Variants in EXOC4 observed in about 807,000 individuals in gnomAD.
EXOC4 encodes the protein exocyst complex component 4, also known as SEC8-like 1.
A neutral mutation model predicts 107.2 loss-of-function variants in EXOC4; 71 were observed. That is an observed-to-expected ratio of 0.66 (90% CI 0.55 to 0.81). EXOC4 has a LOEUF of 0.81. Among genes scored for constraint, EXOC4 ranks in the 30% least tolerant of loss-of-function variants. The pLI, the probability that EXOC4 is intolerant of heterozygous loss-of-function variation, is 0.00. For missense variants in EXOC4, 1,108 were observed against 1,189.6 expected, an observed-to-expected ratio of 0.93 and a Z score of 1.01; for synonymous variants, 456 against 441.2, an observed-to-expected ratio of 1.03 and a Z score of -0.42.
intron 7 of EXOC4, among the ~76,000 whole-genome samples, chr7:133,396,909 C>G (rs541176369): frequency 7.9e-5 from 12 of 152,272 alleles, no homozygotes; most frequent in African/African-American, 2.9e-4. Context: ...AACCAAGATG[C>G]TGAAGTTTGC....
At chr7:133,652,121 G>A (rs1803171774) in intron 10 of EXOC4, among the ~76,000 whole-genome samples, 1 of 152,072 alleles carries the variant, frequency 6.6e-6, no homozygotes, top group African/African-American at 2.4e-5. Context: ...CTTTCTCCCC[G>A]TGACACTGAC....
intron 9 of EXOC4, among the ~76,000 whole-genome samples, chr7:133,622,485 G>A (rs1464905557): frequency 6.6e-6 from 1 of 152,130 alleles, no homozygotes; most frequent in Admixed American, 6.6e-5. Context: ...CTACTAGTCA[G>A]GAGAGACAGG....
chr7:133,801,801 CT>C (rs1796950834), intron 10 of EXOC4, among the ~76,000 whole-genome samples: 1 of 152,184 alleles, frequency 6.6e-6, no homozygotes, highest in Non-Finnish European at 1.5e-5. Flanking sequence ...TGATCATGTC[CT>C]ACCCATTCTG....
At chr7:133,287,690 A>C (rs1307451068) in intron 2 of EXOC4, among the ~76,000 whole-genome samples, 2 of 152,178 alleles carry the variant, frequency 1.3e-5, no homozygotes, top group Non-Finnish European at 2.9e-5. Context: ...TCATAGAAGC[A>C]TGATTTAGGT....
the EXOC4 span, among the ~76,000 whole-genome samples, chr7:134,088,082 C>G: frequency 6.6e-6 from 1 of 152,130 alleles, no homozygotes; most frequent in Non-Finnish European, 1.5e-5. Context: ...TCTCCTAGGC[C>G]TGATAGAAAG....
intron 9 of EXOC4, among the ~76,000 whole-genome samples, chr7:133,541,925 A>G (rs1800388508): frequency 6.6e-6 from 1 of 152,154 alleles, no homozygotes; most frequent in Non-Finnish European, 1.5e-5. Context: ...GAGGAATTCC[A>G]GCAGAGGCTG....
At chr7:133,365,782 T>C (rs1033775871) in intron 6 of EXOC4, among the ~76,000 whole-genome samples, 6 of 152,198 alleles carry the variant, frequency 3.9e-5, no homozygotes, top group Admixed American at 6.5e-5. Context: ...CAGCCAGGCT[T>C]ATTAAGGAAA....
At position 133,425,380 on chromosome 7, in the gene EXOC4, C is replaced by T. The variant is rs191841877; in HGVS notation, c.1183-49948C>T. ...TTGGCTCACTGCAACCTCTGCCTACCGGTTCAAGCGATTCTGCTGTCTCAG... is the reference window on the plus strand; with the variant it reads ...TTGGCTCACTGCAACCTCTGCCTACTGGTTCAAGCGATTCTGCTGTCTCAG... On this transcript the variant is annotated intron_variant, in intron 7 of 17. Transcript: ENST00000253861. 1.2e-4 allele frequency among the ~76,000 whole-genome samples: 18 copies of T among 152,204 alleles called. No homozygotes were observed. The East Asian group carries it at 2.9e-3, about 25-fold the overall frequency.
At chr7:133,595,142 T>TC (rs1037142770) in intron 9 of EXOC4, among the ~76,000 whole-genome samples, 1 of 151,978 alleles carries the variant, frequency 6.6e-6, no homozygotes, top group African/African-American at 2.4e-5. Flanking sequence ...AGAACTTTTT[T>TC]CCCCATCGAG....
At chr7:133,538,431 C>T (rs1262490084) in intron 9 of EXOC4, among the ~76,000 whole-genome samples, 1 of 152,110 alleles carries the variant, frequency 6.6e-6, no homozygotes, top group Non-Finnish European at 1.5e-5. Flanking sequence ...CCCCTTTCTT[C>T]TCTGATTGAA....
chr7:133,375,215 C>T (rs1235471927), intron 7 of EXOC4, among the ~76,000 whole-genome samples: 1 of 152,216 alleles, frequency 6.6e-6, no homozygotes, highest in East Asian at 1.9e-4. Flanking sequence ...GTGGCTCATT[C>T]CTGTAATCCC....
chr7:133,272,296 T>C (rs1793890709), intron 1 of EXOC4, among the ~76,000 whole-genome samples: 1 of 152,200 alleles, frequency 6.6e-6, no homozygotes, highest in South Asian at 2.1e-4. Context: ...CTGTAGCTGT[T>C]AGGAGTGCAA....
chr7:133,940,664 G>A (rs1481816966), intron 14 of EXOC4, among the ~76,000 whole-genome samples: 1 of 152,172 alleles, frequency 6.6e-6, no homozygotes, highest in African/African-American at 2.4e-5. Context: ...CAGGAGAGAT[G>A]CCCATTGATG....
At chr7:133,754,262 T>G (rs1341058392) in intron 10 of EXOC4, among the ~76,000 whole-genome samples, 4 of 152,206 alleles carry the variant, frequency 2.6e-5, no homozygotes, top group Admixed American at 1.3e-4. Flanking sequence ...TGCCTTTCTC[T>G]GAGCTAGAGA....
chr7:133,538,959 G>T lies in EXOC4; in HGVS notation c.1417+58821G>T, dbSNP rs201966805. Reference sequence around the variant, plus strand: ...CACTTAGCTCTGTGAAATAGCTTGGGTTTTTTTTTTCTTAGTCTTCTTTAT... The same window carrying T: ...CACTTAGCTCTGTGAAATAGCTTGGTTTTTTTTTTTCTTAGTCTTCTTTAT... On this transcript the variant is annotated intron_variant, in intron 9 of 17. Coordinates refer to ENST00000253861, the MANE Select transcript of EXOC4 (RefSeq NM_021807.4). Among the ~76,000 whole-genome samples the T allele has an allele frequency of 2.8e-5, 4 of 145,448 alleles. No individual in the cohort carries two copies. The East Asian group carries it at 6.2e-4, about 22-fold the overall frequency.
At chr7:133,652,476 A>C (rs1229799347) in intron 10 of EXOC4, among the ~76,000 whole-genome samples, 2 of 152,062 alleles carry the variant, frequency 1.3e-5, no homozygotes, top group African/African-American at 4.8e-5. Context: ...CCTCAGTTCC[A>C]TAAAAGCCAC....
At chr7:133,561,341 G>A (rs1477873765) in intron 9 of EXOC4, among the ~76,000 whole-genome samples, 1 of 152,180 alleles carries the variant, frequency 6.6e-6, no homozygotes, top group Non-Finnish European at 1.5e-5. Context: ...TTTTTAGACA[G>A]TGGATAAGTT....
chr7:133,426,547 T>G (rs1240180833), intron 7 of EXOC4, among the ~76,000 whole-genome samples: 1 of 152,244 alleles, frequency 6.6e-6, no homozygotes, highest in Non-Finnish European at 1.5e-5. Context: ...CTGCTAATTT[T>G]CCTGTGGAAA....
intron 1 of EXOC4, among the ~76,000 whole-genome samples, chr7:133,264,874 A>G (rs1562993892): frequency 6.6e-6 from 1 of 152,120 alleles, no homozygotes; most frequent in African/African-American, 2.4e-5. Flanking sequence ...CACTCTATTC[A>G]TACTTAGGAC....
Sources: gnomAD v4.1 joint callset for allele counts (sites outside exome capture counted in the v4.1 genomes callset) on GRCh38, gnomAD v4.1.1 for gene constraint, MANE v1.5 for transcripts, NCBI Gene and HGNC (gene_info 2026-07-23, HGNC 2026-07-21) for gene names.